PPP1R13B: variants seen among roughly 807,000 people sequenced by gnomAD.
PPP1R13B encodes the protein apoptosis-stimulating of p53 protein 1.
In PPP1R13B, 44 loss-of-function variants were observed where a neutral mutation model predicts 119.8. That is an observed-to-expected ratio of 0.37 (90% CI 0.29 to 0.47). The LOEUF is 0.47. PPP1R13B is among the 20% of genes least tolerant of loss of function. PPP1R13B has a pLI of 0.99. For missense variants in PPP1R13B, 1,227 were observed against 1,413.5 expected (o/e 0.87, Z 2.12); for synonymous variants, 542 against 561.5 (o/e 0.97, Z 0.49).
intron 7 of PPP1R13B, among the ~76,000 whole-genome samples, chr14:103,750,164 C>T (rs983857474): frequency 1.3e-5 from 2 of 151,116 alleles, no homozygotes; most frequent in Admixed American, 6.6e-5. Context: ...TCAAAGCACA[C>T]GAAATGACTA....
chr14:103,734,606 G>C lies in PPP1R13B; in HGVS notation c.*548C>G, dbSNP rs1267542130. The stretch of plus-strand genomic sequence containing the variant: ...CCCCCAAGGCGGCCGAGCAGAGTGG[G>C]TACTGGGAGGCATACACACTGGGCA... On this transcript the variant is annotated 3_prime_UTR_variant, in exon 17 of 17. Coordinates refer to ENST00000202556, the MANE Select transcript of PPP1R13B (RefSeq NM_015316.3). The C allele has an allele frequency of 2.2e-6, 1 of 456,560 alleles. No homozygotes were observed. Among genetic ancestry groups the C allele is most frequent in the Non-Finnish European group, 4.4e-6 (1 of 226,824 alleles). The allele number at this position is 456,560 out of a possible 1,614,324, so 28.3% of individuals were successfully genotyped here. A position where few individuals can be genotyped will look rare whatever the true frequency, so the allele number is the denominator to read the frequency against.
intron 1 of PPP1R13B, 189 bp downstream of exon 1, chr14:103,847,110 G>A: frequency 4.1e-6 from 4 of 985,838 alleles, no homozygotes; most frequent in Non-Finnish European, 4.8e-6. Flanking sequence ...GCCCCGCGCT[G>A]ACAGCCCGGC....
intron 9 of PPP1R13B, chr14:103,743,782 G>C (rs925141392): frequency 2.0e-5 from 3 of 152,312 alleles, no homozygotes; most frequent in African/African-American, 7.2e-5. Context: ...CCAGAACTCC[G>C]GACTCATAGC....
intron 4 of PPP1R13B, among the ~76,000 whole-genome samples, chr14:103,765,138 T>G (rs1246196339): frequency 1.3e-5 from 2 of 152,234 alleles, no homozygotes; most frequent in Non-Finnish European, 2.9e-5. Context: ...TTCTATAGCC[T>G]GTGTCAGGTC....
intron 1 of PPP1R13B, among the ~76,000 whole-genome samples, chr14:103,825,183 G>C (rs1328121597): frequency 6.6e-6 from 1 of 152,142 alleles, no homozygotes; most frequent in African/African-American, 2.4e-5. Context: ...TAACTGGTAA[G>C]TGTTGTGTGT....
intron 1 of PPP1R13B, among the ~76,000 whole-genome samples, chr14:103,802,160 A>G (rs529164909): frequency 4.6e-5 from 7 of 152,288 alleles, no homozygotes; most frequent in South Asian, 2.1e-4. Flanking sequence ...ATATTTTCCA[A>G]TGTGACTTCA....
In PPP1R13B at chr14:103,771,463, GAACT is replaced by G. The variant is rs992198902; in HGVS notation, c.354+7278_354+7281del. Among the ~76,000 whole-genome samples, 8 of 144,708 alleles carry G rather than the reference GAACT, an allele frequency of 5.5e-5. No homozygotes were observed. The East Asian group carries it at 8.2e-4, about 15-fold the overall frequency. The allele number at this position is 144,708 out of a possible 152,430, so 94.9% of individuals were successfully genotyped here. On this transcript the variant is annotated intron_variant, in intron 4 of 16. Coordinates refer to ENST00000202556, the MANE Select transcript of PPP1R13B (RefSeq NM_015316.3). Reference sequence around the variant, plus strand: ...CCAAAGAGCAACTAAGAAGATTTAAGAACTAACACTTCTTTTTTTTTTTTTTTTT... The same window carrying G: ...CCAAAGAGCAACTAAGAAGATTTAAGAACACTTCTTTTTTTTTTTTTTTTT...
intron 1 of PPP1R13B, among the ~76,000 whole-genome samples, chr14:103,819,319 T>G (rs2086350075): frequency 6.6e-6 from 1 of 152,002 alleles, no homozygotes; most frequent in Non-Finnish European, 1.5e-5. Flanking sequence ...GAGAACAGAC[T>G]GAGGCGGGGA....
rs774896693 is a variant in PPP1R13B at position 103,784,890 on chromosome 14, A to G, written c.182T>C (p.Met61Thr). ...GNERPIPFDH[M>T]MYEHLQKWGP... Reference sequence around the variant, plus strand: ...CCATTTCTGAAGATGTTCGTACATCATATGATCAAAGGGTATGGGACGTTC... The same window carrying G: ...CCATTTCTGAAGATGTTCGTACATCGTATGATCAAAGGGTATGGGACGTTC... Residue 61 changes from methionine to threonine, a missense_variant, in exon 3 of 17, where the codon ATG becomes ACG. Physicochemically the swap from Met to Thr is moderately conservative, Grantham distance 81 (BLOSUM62 -1). Coordinates refer to ENST00000202556, the MANE Select transcript of PPP1R13B (RefSeq NM_015316.3). 2.5e-6 allele frequency: 4 copies of G among 1,603,858 alleles called. No individual in the cohort carries two copies. The highest frequency in any genetic ancestry group is 4.5e-5 in the East Asian group (2 of 44,616).
Position 103,742,051 on chromosome 14 carries a change from T to TTC in PPP1R13B, c.1560_1561insGA (p.Arg521GlufsTer30). The TTC allele has an allele frequency of 6.2e-7, 1 of 1,614,194 alleles. No homozygotes were observed. The highest frequency in any genetic ancestry group is 8.5e-7 in the Non-Finnish European group (1 of 1,180,026). ...GTGGGACTTGGCGGTACGGAAATCCTCTGCTGAATCTGTTGTGAGGAGCCT... is the reference window on the plus strand; with the variant it reads ...GTGGGACTTGGCGGTACGGAAATCCTTCCTGCTGAATCTGTTGTGAGGAGCCT... On this transcript the variant is annotated frameshift_variant, in exon 11 of 17. Coordinates refer to ENST00000202556, the MANE Select transcript of PPP1R13B (RefSeq NM_015316.3). LOFTEE classifies it high-confidence loss of function. This position sits in a 1 kb window ranked among gnomAD's most constrained non-coding sequence, Gnocchi z 4.9.
At position 103,793,362 on chromosome 14, in the gene PPP1R13B, TAGTG is replaced by T. The variant is rs371398768; in HGVS notation, c.157+4005_157+4008del. Among the ~76,000 whole-genome samples the T allele has an allele frequency of 3.3e-3, 505 of 152,234 alleles. 4 individuals carry two copies. Among genetic ancestry groups the T allele is most frequent in the African/African-American group, 0.012 (487 of 41,550 alleles). On this transcript the variant is annotated intron_variant, in intron 2 of 16. Coordinates refer to ENST00000202556, the MANE Select transcript of PPP1R13B (RefSeq NM_015316.3). ...GAATCATGGAGGTGGTTTCTCATGA[TAGTG>T]AGTGAGTTCTCATGAAAACTGATGG...
At chr14:103,757,603 G>C in intron 5 of PPP1R13B, 47 bp downstream of exon 5, 1 of 1,552,164 alleles carries the variant, frequency 6.4e-7, no homozygotes, top group Non-Finnish European at 8.9e-7. Flanking sequence ...GATGGTTAAA[G>C]AAGGTACTTT....
chr14:103,742,544 A>C lies in PPP1R13B; in HGVS notation c.1320+110T>G. Reference sequence around the variant, plus strand: ...GACTTTGGGTGTTGTCTGGACAATAACAGGATTAACTTGCCTCCTGACAAG... The same window carrying C: ...GACTTTGGGTGTTGTCTGGACAATACCAGGATTAACTTGCCTCCTGACAAG... On this transcript the variant is annotated intron_variant, in intron 10 of 16. Transcript: ENST00000202556. The surrounding 1 kb of genome is among the most constrained non-coding windows in gnomAD (Gnocchi z 4.9). The C allele has an allele frequency of 7.0e-7, 1 of 1,433,372 alleles. No homozygotes were observed. Among genetic ancestry groups the C allele is most frequent in the South Asian group, 1.4e-5 (1 of 73,258 alleles). The allele number at this position is 1,433,372 out of a possible 1,614,324, so 88.8% of individuals were successfully genotyped here. A position where few individuals can be genotyped will look rare whatever the true frequency, so the allele number is the denominator to read the frequency against.
chr14:103,796,151 T>C (rs1236152487), intron 2 of PPP1R13B, among the ~76,000 whole-genome samples: 1 of 151,940 alleles, frequency 6.6e-6, no homozygotes, highest in Non-Finnish European at 1.5e-5. Flanking sequence ...GGCATGGTGG[T>C]GCATGCCTGT....
chr14:103,811,026 G>C (rs566484420), intron 1 of PPP1R13B, among the ~76,000 whole-genome samples: 1 of 142,226 alleles, frequency 7.0e-6, no homozygotes, highest in African/African-American at 2.6e-5. Flanking sequence ...CCGGGAGGCA[G>C]AGGTTGCAGT....
chr14:103,816,296 T>C (rs1397790117), intron 1 of PPP1R13B, among the ~76,000 whole-genome samples: 1 of 150,952 alleles, frequency 6.6e-6, no homozygotes. Context: ...TAGCTGGGAA[T>C]ACAGGTGCGT....
At chr14:103,800,126 G>C (rs2085863877) in intron 1 of PPP1R13B, among the ~76,000 whole-genome samples, 1 of 152,076 alleles carries the variant, frequency 6.6e-6, no homozygotes, top group African/African-American at 2.4e-5. Context: ...TTAATCAGAA[G>C]GTATTATAAA....
chr14:103,813,366 A>G (rs2152061401), intron 1 of PPP1R13B, among the ~76,000 whole-genome samples: 1 of 152,340 alleles, frequency 6.6e-6, no homozygotes, highest in Middle Eastern at 3.4e-3. Flanking sequence ...TGGAAAGGGT[A>G]AGATATGGTT....
intron 2 of PPP1R13B, among the ~76,000 whole-genome samples, chr14:103,787,394 G>C (rs1033222126): frequency 1.3e-5 from 2 of 151,954 alleles, no homozygotes; most frequent in African/African-American, 4.8e-5. Flanking sequence ...GTTGTGGACA[G>C]CTGAGATCGT....
Sources: gnomAD v4.1 joint callset for allele counts (sites outside exome capture counted in the v4.1 genomes callset) on GRCh38, gnomAD v4.1.1 for gene constraint, Gnocchi (gnomAD v3.1) non-coding constraint, MANE v1.5 for transcripts, NCBI Gene and HGNC (gene_info 2026-07-23, HGNC 2026-07-21) for gene names.